Variants in UQCC1 observed in about 807,000 individuals in gnomAD.
UQCC1 encodes the protein bFGF-repressed Zic-binding protein.
In UQCC1, 38 loss-of-function variants were observed where a neutral mutation model predicts 48.0. The observed-to-expected ratio is 0.79, with a 90% CI of 0.61 to 1.04. The LOEUF (loss-of-function observed/expected upper bound fraction) is 1.04, where lower values mean the gene tolerates loss of function less well. UQCC1 is among the 50% of genes least tolerant of loss of function. The pLI, the probability that UQCC1 is intolerant of heterozygous loss-of-function variation, is 0.00. For synonymous variants in UQCC1, 111 were observed against 129.2 expected, an observed-to-expected ratio of 0.86 and a Z score of 0.95; for missense variants, 368 against 381.8, an observed-to-expected ratio of 0.96 and a Z score of 0.30.
At chr20:35,336,860 A>G (rs1157206887) in intron 7 of UQCC1, among the ~76,000 whole-genome samples, 1 of 152,224 alleles carries the variant, frequency 6.6e-6, no homozygotes, top group African/African-American at 2.4e-5. Context: ...TGAAAAAAAG[A>G]AAGTGCTCAA....
At chr20:35,360,673 G>A (rs772649005) in intron 6 of UQCC1, among the ~76,000 whole-genome samples, 1 of 151,864 alleles carries the variant, frequency 6.6e-6, no homozygotes, top group Non-Finnish European at 1.5e-5. Context: ...TGCTTTCCTT[G>A]ACCATCCCCA....
intron 4 of UQCC1, among the ~76,000 whole-genome samples, chr20:35,380,110 CT>C (rs1048764911): frequency 1.3e-5 from 2 of 151,788 alleles, no homozygotes; most frequent in African/African-American, 4.8e-5. Context: ...TGTTTCTTTT[CT>C]TTTTTTTGTT....
intron 6 of UQCC1, among the ~76,000 whole-genome samples, chr20:35,357,953 CATA>C (rs1290532571): frequency 6.6e-6 from 1 of 152,100 alleles, no homozygotes; most frequent in Non-Finnish European, 1.5e-5. Context: ...GATTTAAAGT[CATA>C]ATGTCAGACC....
At chr20:35,398,148 G>A (rs1452487763) in intron 1 of UQCC1, among the ~76,000 whole-genome samples, 1 of 152,186 alleles carries the variant, frequency 6.6e-6, no homozygotes, top group African/African-American at 2.4e-5. Flanking sequence ...TTTATGGGAT[G>A]AAAGGGTAGA....
At chr20:35,309,608 G>A (rs533094775) in intron 8 of UQCC1, among the ~76,000 whole-genome samples, 80 of 152,312 alleles carry the variant, frequency 5.3e-4, no homozygotes, top group African/African-American at 1.9e-3. Flanking sequence ...TGAGGGCACA[G>A]CATAATTTCC....
Position 35,306,613 on chromosome 20 carries a change from G to C in UQCC1, c.765+53C>G, listed in dbSNP as rs1247881705. On this transcript the variant is annotated intron_variant, in intron 9 of 9. Transcript: ENST00000374385. The stretch of plus-strand genomic sequence containing the variant: ...CTCTCATGATCCCCTGAAAGCCCAA[G>C]AGGAGGACCCACTGTTGCCAGGACT... 2.8e-6 allele frequency: 4 copies of C among 1,410,048 alleles called. No homozygotes were observed. In the Admixed American group the frequency reaches 6.7e-5, roughly 24 times the overall value. 87.3% of individuals were successfully genotyped at this position (1,410,048 alleles called of 1,614,324 possible).
At chr20:35,319,979 C>G (rs1323853989) in intron 7 of UQCC1, among the ~76,000 whole-genome samples, 47 of 152,158 alleles carry the variant, frequency 3.1e-4, no homozygotes, top group Admixed American at 3.0e-3. Flanking sequence ...TAGTGATCTG[C>G]TCTTGGCCAT....
intron 3 of UQCC1, among the ~76,000 whole-genome samples, chr20:35,383,000 G>C (rs1308813741): frequency 1.3e-5 from 2 of 151,952 alleles, no homozygotes; most frequent in African/African-American, 4.8e-5. Context: ...ACTTTTAAAA[G>C]GAAATCTTGA....
intron 7 of UQCC1, among the ~76,000 whole-genome samples, chr20:35,316,824 C>T (rs940328238): frequency 1.3e-5 from 2 of 151,658 alleles, no homozygotes; most frequent in Non-Finnish European, 2.9e-5. Flanking sequence ...ATTTTTAGTA[C>T]AGACGGGGTT....
chr20:35,313,448 T>C (rs1269871416), intron 8 of UQCC1, among the ~76,000 whole-genome samples: 3 of 143,366 alleles, frequency 2.1e-5, no homozygotes, highest in Admixed American at 2.1e-4. Flanking sequence ...CCAAGATACA[T>C]ACTTCAGTGA....
chr20:35,366,910 A>G (rs979180304), intron 5 of UQCC1, among the ~76,000 whole-genome samples: 13 of 152,082 alleles, frequency 8.5e-5, no homozygotes, highest in African/African-American at 3.1e-4. Context: ...CCTGGCCAAC[A>G]TGGCGAAACC....
intron 7 of UQCC1, among the ~76,000 whole-genome samples, chr20:35,341,887 G>A (rs555419642): frequency 6.6e-6 from 1 of 152,322 alleles, no homozygotes; most frequent in East Asian, 1.9e-4. Context: ...CTTACTAAGT[G>A]CCAGGCACAT....
At chr20:35,361,929 T>C (rs1279516414) in intron 6 of UQCC1, among the ~76,000 whole-genome samples, 1 of 152,232 alleles carries the variant, frequency 6.6e-6, no homozygotes, top group East Asian at 1.9e-4. Context: ...ACCTCCATCA[T>C]AGGTATGTTC....
At position 35,347,171 on chromosome 20, in the gene UQCC1, ACT is replaced by A. The variant is rs1219177762; in HGVS notation, c.564_565del (p.Arg188SerfsTer5). On this transcript the variant is annotated frameshift_variant, in exon 7 of 10. Transcript: ENST00000374385. LOFTEE classifies it high-confidence loss of function. ...CTGACAGCACTCACTTACCCCCATG[ACT>A]CTGCCGCGCTGCTGAACATCCTCCC... 1 of 1,613,986 alleles carries A rather than the reference ACT, an allele frequency of 6.2e-7. No individual in the cohort carries two copies. Among genetic ancestry groups the A allele is most frequent in the African/African-American group, 1.3e-5 (1 of 74,976 alleles).
At chr20:35,392,326 G>A in intron 2 of UQCC1, 1 of 1,289,330 alleles carries the variant, frequency 7.8e-7, no homozygotes, top group Non-Finnish European at 1.0e-6. Context: ...TACGACAAAA[G>A]GTCCAGTTGA....
chr20:35,383,491 C>T (rs999096118), intron 3 of UQCC1, among the ~76,000 whole-genome samples: 2 of 152,108 alleles, frequency 1.3e-5, no homozygotes, highest in Non-Finnish European at 2.9e-5. Flanking sequence ...GGGAGGATCA[C>T]CTAAGCCCAG....
rs1459805267 is a variant in UQCC1, at chr20:35,303,704, TAAGG to T, written c.*227_*230del. The T allele has an allele frequency of 1.2e-5, 7 of 575,720 alleles. No individual in the cohort carries two copies. The East Asian group carries it at 2.1e-4, about 17-fold the overall frequency. 35.7% of individuals were successfully genotyped at this position (575,720 alleles called of 1,614,324 possible). The stretch of plus-strand genomic sequence containing the variant: ...GGGGACTCTCACTCGGGGCTTCCCC[TAAGG>T]GAGAGGACACCCCGGGAGAGCTAGG... On this transcript the variant is annotated 3_prime_UTR_variant, in exon 10 of 10. Coordinates refer to ENST00000374385, the MANE Select transcript of UQCC1 (RefSeq NM_018244.5).
At chr20:35,381,482 T>C (rs79574847) in intron 4 of UQCC1, among the ~76,000 whole-genome samples, 49 of 152,238 alleles carry the variant, frequency 3.2e-4, no homozygotes, top group African/African-American at 1.1e-3. Flanking sequence ...GCCCCACATG[T>C]TGTATAGATC....
chr20:35,401,224 C>T (rs1358751327), intron 1 of UQCC1, among the ~76,000 whole-genome samples: 2 of 152,164 alleles, frequency 1.3e-5, no homozygotes, highest in African/African-American at 4.8e-5. Context: ...TAACACGGAA[C>T]TCACAGCCAA....
Sources: gnomAD v4.1 joint callset for allele counts (sites outside exome capture counted in the v4.1 genomes callset) on GRCh38, gnomAD v4.1.1 for gene constraint, MANE v1.5 for transcripts, NCBI Gene and HGNC (gene_info 2026-07-23, HGNC 2026-07-21) for gene names.